THSD4: variants seen among roughly 807,000 people sequenced by gnomAD.
The protein encoded by THSD4 is thrombospondin type-1 domain-containing protein 4.
THSD4 carries 69 observed loss-of-function variants against 119.0 expected under a neutral mutation model. That is an observed-to-expected ratio of 0.58 (90% CI 0.48 to 0.71). The LOEUF is 0.71. Ranked by LOEUF, THSD4 falls within the 30% of genes least tolerant of loss-of-function variation. The probability of loss-of-function intolerance (pLI) is 0.00; values close to 1 mark genes in which losing one functional copy is unlikely to be tolerated. For synonymous variants in THSD4, 524 were observed against 540.4 expected (o/e 0.97, Z 0.42); for missense variants, 1,393 against 1,391.1 (o/e 1.00, Z -0.02).
intron 7 of THSD4, among the ~76,000 whole-genome samples, chr15:71,421,886 T>C (rs2046813761): frequency 6.6e-6 from 1 of 152,226 alleles, no homozygotes; most frequent in African/African-American, 2.4e-5. Context: ...TCCTCTTGTG[T>C]ATTTTCAAAT....
chr15:71,253,028 G>A (rs900673078), intron 5 of THSD4, among the ~76,000 whole-genome samples: 17 of 152,154 alleles, frequency 1.1e-4, no homozygotes, highest in Admixed American at 2.0e-4. Flanking sequence ...TTTGCCTGGC[G>A]TCATGTGAGT....
chr15:71,616,060 A>G (rs1171920277), intron 7 of THSD4, among the ~76,000 whole-genome samples: 1 of 152,170 alleles, frequency 6.6e-6, no homozygotes, highest in African/African-American at 2.4e-5. Context: ...GTGCCAATTG[A>G]TTGAAAAACT....
chr15:71,615,757 C>T (rs946915220), intron 7 of THSD4, among the ~76,000 whole-genome samples: 3 of 152,188 alleles, frequency 2.0e-5, no homozygotes, highest in African/African-American at 7.2e-5. Context: ...AAAGAGGCCT[C>T]TGCAGCCCTG....
At chr15:71,566,035 G>A (rs1271353851) in intron 7 of THSD4, among the ~76,000 whole-genome samples, 1 of 152,088 alleles carries the variant, frequency 6.6e-6, no homozygotes, top group African/African-American at 2.4e-5. Context: ...AACGCTCCCT[G>A]ATTTTAGTTA....
chr15:71,478,466 G>A (rs1246665112), intron 7 of THSD4, among the ~76,000 whole-genome samples: 1 of 152,070 alleles, frequency 6.6e-6, no homozygotes, highest in East Asian at 1.9e-4. Context: ...TTATTAAGCA[G>A]AAAAATGCAA....
Position 71,486,618 on chromosome 15 carries a change from T to TG in THSD4, c.1152+74795_1152+74796insG, listed in dbSNP as rs1453602948. Reference sequence around the variant, plus strand: ...ATGCCAAGTTTCTTTTCTGTTTTTTTTTTTTTTTTTTTTTTTTTATTTCCC... The same window carrying TG: ...ATGCCAAGTTTCTTTTCTGTTTTTTTGTTTTTTTTTTTTTTTTTTATTTCCC... On this transcript the variant is annotated intron_variant, in intron 7 of 17. Transcript: ENST00000261862. Among the ~76,000 whole-genome samples, 69 of 51,252 alleles carry TG rather than the reference T, an allele frequency of 1.3e-3. No homozygotes were observed. In the East Asian group the frequency reaches 0.027, roughly 20 times the overall value. 33.6% of individuals were successfully genotyped at this position (51,252 alleles called of 152,430 possible).
At position 71,430,103 on chromosome 15, in the gene THSD4, T is replaced by A. The variant is rs144601408; in HGVS notation, c.1152+18280T>A. On this transcript the variant is annotated intron_variant, in intron 7 of 17. Coordinates refer to ENST00000261862, the MANE Select transcript of THSD4 (RefSeq NM_024817.3). ...AAATATAAGCTGTTGTGGTGATTTT[T>A]TTTTTTCAAAGCCAAGTTTACTAGC... is the stretch of plus-strand genomic sequence containing the variant. Among the ~76,000 whole-genome samples, 1,127 of 152,292 alleles carry A rather than the reference T, an allele frequency of 7.4e-3. 4 individuals carry two copies. Among genetic ancestry groups the A allele is most frequent in the Non-Finnish European group, 0.011 (769 of 68,010 alleles).
chr15:71,471,753 G>T (rs1261449855), intron 7 of THSD4, among the ~76,000 whole-genome samples: 3 of 151,576 alleles, frequency 2.0e-5, no homozygotes, highest in African/African-American at 7.3e-5. Flanking sequence ...CTTCCTTACT[G>T]GGTGGCCGGG....
intron 8 of THSD4, among the ~76,000 whole-genome samples, chr15:71,673,871 C>A (rs772419033): frequency 1.3e-4 from 20 of 152,200 alleles, no homozygotes; most frequent in Non-Finnish European, 2.4e-4. Flanking sequence ...ATTCTCCTGC[C>A]TCAGCCTCCC....
chr15:71,184,698 CT>C (rs1441694486), intron 3 of THSD4, among the ~76,000 whole-genome samples: 1 of 151,794 alleles, frequency 6.6e-6, no homozygotes, highest in African/African-American at 2.4e-5. Flanking sequence ...ATGGCACCAT[CT>C]CCCTTGGTCT....
intron 1 of THSD4, among the ~76,000 whole-genome samples, chr15:71,127,048 T>G (rs1286384362): frequency 6.6e-6 from 1 of 152,242 alleles, no homozygotes; most frequent in Non-Finnish European, 1.5e-5. Context: ...TCCTCCTGTC[T>G]GAGTCTCTCT....
chr15:71,590,238 C>A (rs972553732), intron 7 of THSD4, among the ~76,000 whole-genome samples: 2 of 138,464 alleles, frequency 1.4e-5, no homozygotes, highest in African/African-American at 5.1e-5. Context: ...TTCCGTAATA[C>A]GTTTGTTCAC....
intron 2 of THSD4, among the ~76,000 whole-genome samples, chr15:71,149,524 C>T (rs1320186400): frequency 6.6e-6 from 1 of 152,126 alleles, no homozygotes; most frequent in East Asian, 1.9e-4. Flanking sequence ...GCTGGGATTA[C>T]AGATGTGAGC....
chr15:71,272,704 C>T (rs1196606300), intron 6 of THSD4, among the ~76,000 whole-genome samples: 1 of 151,546 alleles, frequency 6.6e-6, no homozygotes, highest in Non-Finnish European at 1.5e-5. Flanking sequence ...CTAGTGAAAA[C>T]ACACAAAAAA....
intron 1 of THSD4, among the ~76,000 whole-genome samples, chr15:71,128,928 G>C (rs1247218703): frequency 1.3e-5 from 2 of 152,216 alleles, no homozygotes; most frequent in Non-Finnish European, 2.9e-5. Flanking sequence ...AGGGAAATCA[G>C]AGAACATTAA....
chr15:71,337,498 C>G (rs2045503557), intron 6 of THSD4, among the ~76,000 whole-genome samples: 1 of 152,240 alleles, frequency 6.6e-6, no homozygotes, highest in Non-Finnish European at 1.5e-5. Context: ...AGCTAGTTAA[C>G]ATGTGAAAAG....
At chr15:71,175,035 GA>G (rs1427871678) in intron 3 of THSD4, among the ~76,000 whole-genome samples, 1 of 140,480 alleles carries the variant, frequency 7.1e-6, no homozygotes. Flanking sequence ...CAAAGATGGG[GA>G]AAAAACAGAA....
rs142403625 is a variant in THSD4 at position 71,333,056 on chromosome 15, C to A, written c.1015+76341C>A. Among the ~76,000 whole-genome samples, 300 of 151,762 alleles carry A rather than the reference C, an allele frequency of 2.0e-3. 11 individuals carry two copies. The South Asian group carries it at 0.032, about 16-fold the overall frequency. On this transcript the variant is annotated intron_variant, in intron 6 of 17. Transcript: ENST00000261862. Reference sequence around the variant, plus strand: ...CCTAGACTCCATTTGGGTATTCCCCCCTTTTAGGCCTCCCTAATAGTGCTG... The same window carrying A: ...CCTAGACTCCATTTGGGTATTCCCCACTTTTAGGCCTCCCTAATAGTGCTG...
rs187263799 is a variant in THSD4 at position 71,781,599 on chromosome 15, G to C, written c.*4225G>C. 3 of 152,484 alleles carry C rather than the reference G, an allele frequency of 2.0e-5. No individual in the cohort carries two copies. The highest frequency in any genetic ancestry group is 2.9e-5 in the Non-Finnish European group (2 of 68,180). The allele number at this position is 152,484 out of a possible 1,614,324, so 9.4% of individuals were successfully genotyped here. On this transcript the variant is annotated 3_prime_UTR_variant, in exon 18 of 18. Coordinates refer to ENST00000261862, the MANE Select transcript of THSD4 (RefSeq NM_024817.3). ...CATGAGAACCCTCAGGCTGGAGAAG[G>C]CACTAGGGCACAAGGAGAGCTCTCC... is the stretch of plus-strand genomic sequence containing the variant.
Sources: allele counts gnomAD v4.1 joint callset (sites outside exome capture counted in the v4.1 genomes callset), GRCh38; gene constraint gnomAD v4.1.1; transcripts MANE v1.5; gene names NCBI Gene and HGNC (gene_info 2026-07-23, HGNC 2026-07-21).